CTNNA2: variants seen among roughly 807,000 people sequenced by gnomAD.
The protein encoded by CTNNA2 is catenin alpha 2, also known as catenin alpha-2.
CTNNA2 carries 42 observed loss-of-function variants against 101.0 expected under a neutral mutation model. That is an observed-to-expected ratio of 0.42 (90% CI 0.32 to 0.54). The LOEUF (loss-of-function observed/expected upper bound fraction) is 0.54. Ranked by LOEUF, CTNNA2 falls within the 20% of genes least tolerant of loss-of-function variation. The probability of loss-of-function intolerance (pLI) is 0.14; values close to 1 mark genes in which losing one functional copy is unlikely to be tolerated. For synonymous variants in CTNNA2, 450 were observed against 456.4 expected (o/e 0.99, Z 0.18); for missense variants, 871 against 1,223.1 (o/e 0.71, Z 4.29).
intron 7 of CTNNA2, among the ~76,000 whole-genome samples, chr2:80,191,884 T>C (rs542245762): frequency 6.6e-5 from 10 of 152,296 alleles, no homozygotes; most frequent in Admixed American, 2.0e-4. Flanking sequence ...TAACCAAACA[T>C]GGACATCTTT....
At chr2:80,116,234 G>A (rs1243837045) in intron 7 of CTNNA2, among the ~76,000 whole-genome samples, 1 of 152,002 alleles carries the variant, frequency 6.6e-6, no homozygotes, top group African/African-American at 2.4e-5. Flanking sequence ...AACAGGTTGT[G>A]GGATGGATTT....
chr2:80,483,422 T>C (rs1392406978), intron 9 of CTNNA2, among the ~76,000 whole-genome samples: 1 of 150,766 alleles, frequency 6.6e-6, no homozygotes. Context: ...AGTAGATTAT[T>C]TATTGTGCAT....
chr2:80,303,868 C>T lies in CTNNA2; in HGVS notation c.1057-89343C>T, dbSNP rs751326524. 3.4e-6 allele frequency: 5 copies of T among 1,466,316 alleles called. No individual in the cohort carries two copies. Among genetic ancestry groups the T allele is most frequent in the Non-Finnish European group, 4.5e-6 (5 of 1,107,072 alleles). 90.8% of individuals were successfully genotyped at this position (1,466,316 alleles called of 1,614,324 possible). A position where few individuals can be genotyped will look rare whatever the true frequency, so the allele number is the denominator to read the frequency against. On this transcript the variant is annotated intron_variant, in intron 7 of 18. Coordinates refer to ENST00000402739, the MANE Select transcript of CTNNA2 (RefSeq NM_001282597.3). This position sits in a 1 kb window ranked among gnomAD's most constrained non-coding sequence, Gnocchi z 7.7. ...CTGGAGAATGTCCATTGGAAGCGCT[C>T]GGTCAGAAATCTACATCATATTTTA...
chr2:79,263,554 C>T lies in CTNNA2; in HGVS notation c.-405-49155C>T, dbSNP rs530990712. On this transcript the variant is annotated intron_variant, in intron 2 of 21. Transcript: ENST00000466387. ...CTTTTCTTTATAAATCACCCAGCCTCGGATATTTATTTATAGCAATGCAAA... is the reference window on the plus strand; with the variant it reads ...CTTTTCTTTATAAATCACCCAGCCTTGGATATTTATTTATAGCAATGCAAA... Among the ~76,000 whole-genome samples, 8 of 152,264 alleles carry T rather than the reference C, an allele frequency of 5.3e-5. No homozygotes were observed. The South Asian group carries it at 1.7e-3, about 31-fold the overall frequency.
intron 2 of CTNNA2, among the ~76,000 whole-genome samples, chr2:79,232,131 G>T (rs1674500795): frequency 4.6e-5 from 7 of 152,110 alleles, no homozygotes; most frequent in Admixed American, 4.6e-4. Flanking sequence ...TCCTTGCCTT[G>T]TTCCAGTTCT....
chr2:80,590,291 G>A (rs1362547356), intron 15 of CTNNA2, among the ~76,000 whole-genome samples: 1 of 152,128 alleles, frequency 6.6e-6, no homozygotes, highest in African/African-American at 2.4e-5. Context: ...GGTGATTTGG[G>A]GGCAAGTCTC....
chr2:80,637,507 TG>T (rs1401706767), intron 18 of CTNNA2, among the ~76,000 whole-genome samples: 1 of 150,756 alleles, frequency 6.6e-6, no homozygotes, highest in Non-Finnish European at 1.5e-5. Context: ...AAGAAAGAGG[TG>T]GGGAAGAGGT....
chr2:80,074,945 C>T (rs926726707), intron 7 of CTNNA2, among the ~76,000 whole-genome samples: 15 of 152,178 alleles, frequency 9.9e-5, no homozygotes, highest in Non-Finnish European at 1.8e-4. Context: ...ATTATACAGA[C>T]AATTTGTCAA....
chr2:79,384,914 T>A (rs915013637), intron 4 of CTNNA2, among the ~76,000 whole-genome samples: 5 of 152,214 alleles, frequency 3.3e-5, no homozygotes, highest in Non-Finnish European at 5.9e-5. Flanking sequence ...ATTTGTTGTA[T>A]TTTTAAGAAA....
intron 7 of CTNNA2, among the ~76,000 whole-genome samples, chr2:80,049,797 C>T (rs1252031307): frequency 6.6e-6 from 1 of 152,178 alleles, no homozygotes; most frequent in African/African-American, 2.4e-5. Flanking sequence ...TAGTGTGTTC[C>T]AGAGTTTAAT....
chr2:80,614,677 A>T (rs949340280), intron 17 of CTNNA2, among the ~76,000 whole-genome samples: 7 of 151,462 alleles, frequency 4.6e-5, no homozygotes, highest in African/African-American at 7.3e-5. Context: ...GATTTTTTTT[A>T]AATAATTTAA....
intron 3 of CTNNA2, 49 bp from the exon 4 acceptor site, chr2:79,857,964 T>C: frequency 6.4e-7 from 1 of 1,566,140 alleles, no homozygotes; most frequent in Non-Finnish European, 8.7e-7. Context: ...GGATGGCCAG[T>C]CTCTAAGCCT....
At position 79,743,597 on chromosome 2, in the gene CTNNA2, G is replaced by A. The variant is rs146565582; in HGVS notation, c.103-790G>A. ...CACCCAGGCTAGAGTACAATGGCAC[G>A]ATCTAGATTAACTGCAACCTCTGCC... is the stretch of plus-strand genomic sequence containing the variant. On this transcript the variant is annotated intron_variant, in intron 2 of 18. Transcript: ENST00000402739. Among the ~76,000 whole-genome samples, 1,097 of 150,600 alleles carry A rather than the reference G, an allele frequency of 7.3e-3. 13 individuals are homozygous for A. The highest frequency in any genetic ancestry group is 0.026 in the African/African-American group (1,049 of 41,070).
In CTNNA2 at chr2:79,320,260, A is replaced by ATTT. The variant is rs34694986; in HGVS notation, c.-318+7486_-318+7488dup. On this transcript the variant is annotated intron_variant, in intron 3 of 21. Coordinates refer to the CTNNA2 transcript ENST00000466387. The stretch of plus-strand genomic sequence containing the variant: ...TCATAGTACCTACCTTTACGTTTCA[A>ATTT]TTTTTTTTTTTTTTTTTTTTTTTTA... 3.8e-4 allele frequency among the ~76,000 whole-genome samples: 45 copies of ATTT among 119,778 alleles called. 2 individuals are homozygous for ATTT. Among genetic ancestry groups the ATTT allele is most frequent in the African/African-American group, 1.2e-3 (38 of 31,586 alleles). The allele number at this position is 119,778 out of a possible 152,430, so 78.6% of individuals were successfully genotyped here.
intron 18 of CTNNA2, among the ~76,000 whole-genome samples, chr2:80,639,163 T>A (rs1265235619): frequency 1.3e-5 from 2 of 152,230 alleles, no homozygotes; most frequent in South Asian, 2.1e-4. Flanking sequence ...TCGCACAGAA[T>A]TTCACTTATC....
chr2:79,568,858 C>CAAAAAAAA (rs540965419), intron 1 of CTNNA2, among the ~76,000 whole-genome samples: 2 of 68,982 alleles, frequency 2.9e-5, no homozygotes, highest in African/African-American at 6.8e-5. Context: ...TCTGTTTCTA[C>CAAAAAAAA]AAAAAAAAAA....
intron 7 of CTNNA2, among the ~76,000 whole-genome samples, chr2:80,283,123 C>T (rs960791967): frequency 3.9e-5 from 6 of 151,910 alleles, no homozygotes; most frequent in African/African-American, 1.2e-4. Context: ...TTCTTTAGGA[C>T]AAATAACTAG....
intron 7 of CTNNA2, among the ~76,000 whole-genome samples, chr2:80,239,851 G>A (rs2149089036): frequency 6.6e-6 from 1 of 151,980 alleles, no homozygotes; most frequent in South Asian, 2.1e-4. Flanking sequence ...GGCAGAAGTT[G>A]CAGTGAGCCG....
intron 16 of CTNNA2, among the ~76,000 whole-genome samples, chr2:80,604,812 G>A (rs993351673): frequency 5.9e-5 from 9 of 151,786 alleles, no homozygotes; most frequent in Non-Finnish European, 7.4e-5. Context: ...AAAAGTTGTC[G>A]CGGACTCTAC....
Sources: gnomAD v4.1 joint callset for allele counts (sites outside exome capture counted in the v4.1 genomes callset) on GRCh38, gnomAD v4.1.1 for gene constraint, Gnocchi (gnomAD v3.1) non-coding constraint, MANE v1.5 for transcripts, NCBI Gene and HGNC (gene_info 2026-07-23, HGNC 2026-07-21) for gene names.